The following GRM8 variants were observed in gnomAD, a reference collection of about 807,000 sequenced individuals.
The protein encoded by GRM8 is glutamate metabotropic receptor 8.
In GRM8, 47 loss-of-function variants were observed where a neutral mutation model predicts 87.2. That is an observed-to-expected ratio of 0.54 (90% CI 0.43 to 0.69). GRM8 has a LOEUF of 0.69. Among genes scored for constraint, GRM8 ranks in the 30% least tolerant of loss-of-function variants. The pLI is 0.00. For missense variants in GRM8, 1,019 were observed against 1,139.2 expected, an observed-to-expected ratio of 0.89 and a Z score of 1.52; for synonymous variants, 396 against 404.5, an observed-to-expected ratio of 0.98 and a Z score of 0.25.
At chr7:126,524,019 C>T (rs1247375561) in intron 9 of GRM8, among the ~76,000 whole-genome samples, 3 of 151,910 alleles carry the variant, frequency 2.0e-5, no homozygotes, top group Admixed American at 1.3e-4. Context: ...AATATTATTC[C>T]CTTCAGATTC....
intron 3 of GRM8, among the ~76,000 whole-genome samples, chr7:126,918,739 C>G (rs10238048): frequency 0.19 from 28,176 of 152,114 alleles, 2,836 homozygotes; most frequent in East Asian, 0.28. Context: ...CAATCTTTTA[C>G]TGAAACCAAA....
At chr7:126,728,813 G>A (rs1049982235) in intron 7 of GRM8, among the ~76,000 whole-genome samples, 1 of 152,064 alleles carries the variant, frequency 6.6e-6, no homozygotes, top group African/African-American at 2.4e-5. Flanking sequence ...CCCTATGTGA[G>A]GTGCTCCCAG....
chr7:126,558,041 A>C (rs1793330158), intron 8 of GRM8, among the ~76,000 whole-genome samples: 1 of 152,210 alleles, frequency 6.6e-6, no homozygotes, highest in African/African-American at 2.4e-5. Context: ...AAGAATTTTC[A>C]CAGATCACAT....
At chr7:126,809,762 A>G (rs1793117108) in intron 6 of GRM8, among the ~76,000 whole-genome samples, 1 of 152,144 alleles carries the variant, frequency 6.6e-6, no homozygotes, top group Non-Finnish European at 1.5e-5. Flanking sequence ...AGTGAAGTCA[A>G]TGCCTTTATA....
rs181231430 is a variant in GRM8, at chr7:126,469,494, T to C, written c.2431-23122A>G. ...AACTGTAGCTCCCACAATCCCCACA[T>C]CTCATGGGAGGGACTCAGTGGGAGG... On this transcript the variant is annotated intron_variant, in intron 9 of 10. Transcript: ENST00000339582. Among the ~76,000 whole-genome samples, 244 of 152,204 alleles carry C rather than the reference T, an allele frequency of 1.6e-3. 2 individuals carry two copies. The highest frequency in any genetic ancestry group is 5.4e-3 in the African/African-American group (226 of 41,530).
chr7:126,671,241 G>GA (rs1453894547), intron 7 of GRM8, among the ~76,000 whole-genome samples: 1 of 152,184 alleles, frequency 6.6e-6, no homozygotes, highest in East Asian at 1.9e-4. Flanking sequence ...CTTAAGAGGA[G>GA]AAAATCACCC....
intron 8 of GRM8, among the ~76,000 whole-genome samples, chr7:126,601,720 T>C (rs1797794032): frequency 6.7e-6 from 1 of 149,442 alleles, no homozygotes; most frequent in African/African-American, 2.5e-5. Context: ...TTTGGCTGCA[T>C]AAATGTCTTC....
At chr7:126,778,735 T>G (rs1819733269) in intron 6 of GRM8, among the ~76,000 whole-genome samples, 1 of 152,042 alleles carries the variant, frequency 6.6e-6, no homozygotes, top group South Asian at 2.1e-4. Context: ...GCCTGGAAAT[T>G]CCCACTTCAG....
chr7:126,818,883 C>T (rs1721673262), intron 6 of GRM8, among the ~76,000 whole-genome samples: 1 of 152,168 alleles, frequency 6.6e-6, no homozygotes, highest in African/African-American at 2.4e-5. Flanking sequence ...GAACTGGAGG[C>T]ATACTTCAGT....
At chr7:127,124,205 G>A (rs1172625408) in intron 2 of GRM8, among the ~76,000 whole-genome samples, 1 of 152,046 alleles carries the variant, frequency 6.6e-6, no homozygotes, top group Non-Finnish European at 1.5e-5. Flanking sequence ...TTTCAACTAA[G>A]TACCCTCTCC....
At chr7:126,770,904 C>T (rs1284633572) in intron 6 of GRM8, among the ~76,000 whole-genome samples, 8 of 151,938 alleles carry the variant, frequency 5.3e-5, no homozygotes, top group Non-Finnish European at 8.8e-5. Flanking sequence ...GGGAAGCATT[C>T]GTAGGTCTCA....
At chr7:126,813,029 G>A (rs920420112) in intron 6 of GRM8, among the ~76,000 whole-genome samples, 1 of 151,970 alleles carries the variant, frequency 6.6e-6, no homozygotes, top group Non-Finnish European at 1.5e-5. Context: ...AGGGTGGGAG[G>A]AGTGAGAGGA....
At chr7:126,551,944 C>T (rs907143441) in intron 8 of GRM8, among the ~76,000 whole-genome samples, 11 of 152,116 alleles carry the variant, frequency 7.2e-5, no homozygotes, top group African/African-American at 2.7e-4. Context: ...TGCCCTCAAA[C>T]ACTCTTTCCC....
At chr7:126,462,188 T>C (rs1322508050) in intron 9 of GRM8, among the ~76,000 whole-genome samples, 1 of 151,388 alleles carries the variant, frequency 6.6e-6, no homozygotes, top group Non-Finnish European at 1.5e-5. Flanking sequence ...AATGTGAACT[T>C]TTCCAAGTGT....
intron 2 of GRM8, among the ~76,000 whole-genome samples, chr7:127,234,331 C>G (rs1797862740): frequency 6.6e-6 from 1 of 152,198 alleles, no homozygotes; most frequent in Admixed American, 6.5e-5. Context: ...CCTGACCCTA[C>G]TTTAAGAAAT....
At chr7:127,032,501 C>G (rs906052196) in intron 3 of GRM8, among the ~76,000 whole-genome samples, 10 of 152,136 alleles carry the variant, frequency 6.6e-5, no homozygotes, top group African/African-American at 2.4e-4. Context: ...GAAGACTATT[C>G]CAACCATCTT....
chr7:127,108,101 C>G (rs1472323880), intron 2 of GRM8, among the ~76,000 whole-genome samples: 1 of 152,180 alleles, frequency 6.6e-6, no homozygotes, highest in African/African-American at 2.4e-5. Context: ...TGAAAACCAT[C>G]TGACCCACCT....
intron 3 of GRM8, among the ~76,000 whole-genome samples, chr7:126,994,751 G>C (rs1258334148): frequency 2.0e-5 from 3 of 150,588 alleles, no homozygotes; most frequent in Admixed American, 2.0e-4. Context: ...AGATTTCTAA[G>C]TTTTTTTTTT....
chr7:127,193,287 G>A (rs770476062), intron 2 of GRM8, among the ~76,000 whole-genome samples: 62 of 152,118 alleles, frequency 4.1e-4, no homozygotes, highest in Non-Finnish European at 6.3e-4. Context: ...AAACATAAAT[G>A]AGAATGTAAA....
Sources: gnomAD v4.1 joint callset for allele counts (sites outside exome capture counted in the v4.1 genomes callset) on GRCh38, gnomAD v4.1.1 for gene constraint, MANE v1.5 for transcripts, NCBI Gene and HGNC (gene_info 2026-07-23, HGNC 2026-07-21) for gene names.